The following GPC5 variants were observed in gnomAD, a reference collection of about 807,000 sequenced individuals.
GPC5 encodes the protein glypican-5.
GPC5 carries 47 observed loss-of-function variants against 53.9 expected under a neutral mutation model. The observed-to-expected ratio is 0.87, with a 90% CI of 0.69 to 1.11. The LOEUF (loss-of-function observed/expected upper bound fraction) is 1.11. Ranked by LOEUF, GPC5 falls within the 50% of genes most tolerant of loss-of-function variation. GPC5 has a pLI of 0.00. For synonymous variants in GPC5, 286 were observed against 263.3 expected (o/e 1.09, Z -0.84); for missense variants, 748 against 713.1 (o/e 1.05, Z -0.56).
chr13:91,445,175 C>G (rs1267185384), intron 1 of GPC5, among the ~76,000 whole-genome samples: 1 of 152,144 alleles, frequency 6.6e-6, no homozygotes, highest in African/African-American at 2.4e-5. Flanking sequence ...AACTGACTTT[C>G]ACCTTTTCAC....
intron 7 of GPC5, among the ~76,000 whole-genome samples, chr13:92,381,909 GA>G (rs1566565349): frequency 1.6e-5 from 2 of 122,126 alleles, no homozygotes; most frequent in Non-Finnish European, 3.3e-5. Flanking sequence ...TCATATATAT[GA>G]TATATATAAT....
chr13:92,041,748 A>C (rs113653821), intron 6 of GPC5, among the ~76,000 whole-genome samples: 462 of 152,338 alleles, frequency 3.0e-3, no homozygotes, highest in Non-Finnish European at 5.7e-3. Flanking sequence ...CAGCTCCCAC[A>C]GTGTTCCATT....
intron 7 of GPC5, among the ~76,000 whole-genome samples, chr13:92,389,435 G>A (rs562462938): frequency 3.3e-5 from 5 of 152,128 alleles, no homozygotes; most frequent in South Asian, 2.1e-4. Flanking sequence ...AAAGCAACCC[G>A]GGCAATTCTC....
At chr13:91,458,126 G>A (rs1881682325) in intron 2 of GPC5, among the ~76,000 whole-genome samples, 1 of 152,048 alleles carries the variant, frequency 6.6e-6, no homozygotes, top group Non-Finnish European at 1.5e-5. Context: ...TGAAGAGAGT[G>A]AAGGAGTTAG....
chr13:92,180,821 T>A (rs536283266), intron 7 of GPC5: 2 of 230,254 alleles, frequency 8.7e-6, no homozygotes, highest in South Asian at 6.7e-5. Flanking sequence ...TTCCTTCCCA[T>A]CCCAATCCTG....
intron 1 of GPC5, among the ~76,000 whole-genome samples, chr13:91,417,240 G>T (rs916657070): frequency 6.6e-6 from 1 of 152,184 alleles, no homozygotes; most frequent in Non-Finnish European, 1.5e-5. Context: ...TACCAAGGTC[G>T]TGATGTGTAG....
chr13:92,362,102 G>T (rs2043572429), intron 7 of GPC5, among the ~76,000 whole-genome samples: 1 of 151,660 alleles, frequency 6.6e-6, no homozygotes, highest in Admixed American at 6.6e-5. Context: ...AAGTCATACA[G>T]ATAATTAAAC....
chr13:91,813,280 A>T (rs1403686881), intron 5 of GPC5, among the ~76,000 whole-genome samples: 4 of 152,082 alleles, frequency 2.6e-5, no homozygotes, highest in African/African-American at 4.8e-5. Context: ...CATTACTTTG[A>T]TGCACCTGTT....
chr13:92,477,041 T>TA (rs1385913428), intron 7 of GPC5, among the ~76,000 whole-genome samples: 401 of 130,460 alleles, frequency 3.1e-3, no homozygotes, highest in Non-Finnish European at 4.2e-3. Context: ...ACTTAAAGTA[T>TA]AATAATAAAA....
chr13:92,268,938 T>G (rs1015987959), intron 7 of GPC5, among the ~76,000 whole-genome samples: 13 of 152,106 alleles, frequency 8.5e-5, no homozygotes, highest in African/African-American at 2.9e-4. Context: ...TAATTGTAGA[T>G]CTTTATTAAG....
At chr13:91,504,815 A>G (rs962788137) in intron 2 of GPC5, among the ~76,000 whole-genome samples, 3 of 152,032 alleles carry the variant, frequency 2.0e-5, no homozygotes, top group Non-Finnish European at 2.9e-5. Flanking sequence ...TTAGCTGGGC[A>G]TGGTGGCATG....
chr13:92,580,263 G>T (rs992325700), intron 7 of GPC5, among the ~76,000 whole-genome samples: 1 of 152,180 alleles, frequency 6.6e-6, no homozygotes, highest in African/African-American at 2.4e-5. Context: ...AAATCCAAAA[G>T]AGTGACATTT....
chr13:91,515,954 A>C (rs533585841), intron 2 of GPC5, among the ~76,000 whole-genome samples: 1 of 152,216 alleles, frequency 6.6e-6, no homozygotes, highest in South Asian at 2.1e-4. Context: ...AAAAGAGCAA[A>C]CCCCTGATAA....
chr13:91,998,052 G>T (rs2040519674), intron 6 of GPC5, among the ~76,000 whole-genome samples: 1 of 152,078 alleles, frequency 6.6e-6, no homozygotes, highest in South Asian at 2.1e-4. Flanking sequence ...AAATAGAATT[G>T]TTTTTCTATT....
chr13:91,843,092 A>G (rs1289844169), intron 5 of GPC5, among the ~76,000 whole-genome samples: 1 of 152,174 alleles, frequency 6.6e-6, no homozygotes, highest in Non-Finnish European at 1.5e-5. Flanking sequence ...ACTGTGTAAC[A>G]AGTCACAATT....
intron 6 of GPC5, among the ~76,000 whole-genome samples, chr13:91,923,556 C>A (rs1444218665): frequency 3.9e-5 from 6 of 152,250 alleles, no homozygotes; most frequent in African/African-American, 1.4e-4. Context: ...TTATAATAAA[C>A]TTATGAAATA....
At chr13:92,304,120 A>T (rs547632776) in intron 7 of GPC5, among the ~76,000 whole-genome samples, 1 of 152,058 alleles carries the variant, frequency 6.6e-6, no homozygotes, top group South Asian at 2.1e-4. Context: ...GGTGAACTCC[A>T]TGTCTTGTAG....
At chr13:92,545,615 A>G (rs1456139953) in intron 7 of GPC5, among the ~76,000 whole-genome samples, 4 of 152,144 alleles carry the variant, frequency 2.6e-5, no homozygotes. Context: ...CGCCATTCTA[A>G]CTGGTGTGAG....
chr13:91,422,750 A>G (rs1878731972), intron 1 of GPC5, among the ~76,000 whole-genome samples: 1 of 152,128 alleles, frequency 6.6e-6, no homozygotes, highest in African/African-American at 2.4e-5. Flanking sequence ...GAGTCCTGAG[A>G]TGCTGCAGGT....
Sources: allele counts gnomAD v4.1 joint callset (sites outside exome capture counted in the v4.1 genomes callset), GRCh38; gene constraint gnomAD v4.1.1; transcripts MANE v1.5; gene names NCBI Gene and HGNC (gene_info 2026-07-23, HGNC 2026-07-21).